Variants in MTA2 observed in about 807,000 individuals in gnomAD.
MTA2 encodes metastasis-associated protein MTA2.
A neutral mutation model predicts 87.1 loss-of-function variants in MTA2; 22 were observed. The observed-to-expected ratio is 0.25, with a 90% CI of 0.18 to 0.36. MTA2 has a LOEUF of 0.36. MTA2 is among the 10% of genes least tolerant of loss of function. The pLI, the probability that MTA2 is intolerant of heterozygous loss-of-function variation, is 1.00. For synonymous variants in MTA2, 314 were observed against 310.1 expected (o/e 1.01, Z -0.13); for missense variants, 542 against 853.2 (o/e 0.64, Z 4.54).
chr11:62,597,532 C>T, intron 7 of MTA2, 78 bp downstream of exon 7: 3 of 1,504,916 alleles, frequency 2.0e-6, no homozygotes, highest in Non-Finnish European at 9.2e-7. Flanking sequence ...GAAATAAAGT[C>T]CATCTCTAAG....
At chr11:62,601,299 C>T (rs932683616) in intron 1 of MTA2, 124 bp downstream of exon 1, 2 of 1,250,110 alleles carry the variant, frequency 1.6e-6, no homozygotes, top group Non-Finnish European at 2.2e-6. Flanking sequence ...GTTCCGGTTC[C>T]GGTCCGCGCT....
intron 7 of MTA2, 49 bp from the exon 8 acceptor site, chr11:62,597,464 A>C: frequency 6.4e-7 from 1 of 1,571,656 alleles, no homozygotes; most frequent in South Asian, 1.1e-5. Flanking sequence ...TCAAAAGCCC[A>C]AGTGGGCTGG....
chr11:62,595,087 A>C lies in MTA2; in HGVS notation c.1484-17T>G. The C allele has an allele frequency of 6.2e-7, 1 of 1,612,998 alleles. No homozygotes were observed. The highest frequency in any genetic ancestry group is 1.1e-5 in the South Asian group (1 of 90,944). On this transcript the variant is annotated splice_polypyrimidine_tract_variant and intron_variant, in intron 14 of 17. Coordinates refer to ENST00000278823, the MANE Select transcript of MTA2 (RefSeq NM_004739.4). The surrounding 1 kb of genome is among the most constrained non-coding windows in gnomAD (Gnocchi z 4.9). ...GAATGGAGCCTGGAGAACAAAGAAG[A>C]AAGCTTCTGAAGGGCTTCACCATTC... is the stretch of plus-strand genomic sequence containing the variant.
chr11:62,596,445 G>C lies in MTA2; in HGVS notation c.957+13C>G, dbSNP rs377746028. On this transcript the variant is annotated intron_variant, in intron 10 of 17. Coordinates refer to ENST00000278823, the MANE Select transcript of MTA2 (RefSeq NM_004739.4). ...GGTAGCCTATGGTCCACCCTCCCCA[G>C]CCCAGATAATACCTGCTGAATATAC... 3.7e-5 allele frequency: 59 copies of C among 1,613,696 alleles called. No homozygotes were observed. In the African/African-American group the frequency reaches 7.2e-4, roughly 20 times the overall value.
rs1590734017 is a variant in MTA2, at chr11:62,601,179, G to A, written c.28+244C>T. The A allele has an allele frequency of 2.2e-5, 12 of 551,812 alleles. No individual in the cohort carries two copies. The East Asian group carries it at 4.0e-4, about 18-fold the overall frequency. The allele number at this position is 551,812 out of a possible 1,614,324, so 34.2% of individuals were successfully genotyped here. ...CGAAGGCCACTCCGTGCCCCGGGGA[G>A]CCCCTGACGCAGCCCCGAAAGTGCC... is the stretch of plus-strand genomic sequence containing the variant. On this transcript the variant is annotated intron_variant, in intron 1 of 17. Transcript: ENST00000278823.
At position 62,593,710 on chromosome 11, in the gene MTA2, G is replaced by A. The variant is rs1435066271; in HGVS notation, c.*165C>T. The A allele has an allele frequency of 1.6e-5, 12 of 767,386 alleles. No individual in the cohort carries two copies. Among genetic ancestry groups the A allele is most frequent in the South Asian group, 7.4e-5 (4 of 54,346 alleles). The allele number at this position is 767,386 out of a possible 1,614,324, so 47.5% of individuals were successfully genotyped here. A position where few individuals can be genotyped will look rare whatever the true frequency, so the allele number is the denominator to read the frequency against. On this transcript the variant is annotated 3_prime_UTR_variant, in exon 18 of 18. Transcript: ENST00000278823. ...AGCATGGAGGCATGAGACAAGTCTC[G>A]AGGTGGTAACACCAGAGGGCGCCCA...
chr11:62,600,598 G>GGAGA, intron 2 of MTA2, 24 bp downstream of exon 2: 1 of 1,607,082 alleles, frequency 6.2e-7, no homozygotes, highest in Non-Finnish European at 8.5e-7. Context: ...CGGGAGGGAG[G>GGAGA]GAGAGGGATT....
chr11:62,599,714 G>A (rs2516634), intron 3 of MTA2, among the ~76,000 whole-genome samples: 103,385 of 151,736 alleles, frequency 0.68, 35,660 homozygotes, highest in East Asian at 0.94. Context: ...AAATTAAAAA[G>A]CGCAAGAAAA....
Position 62,596,048 on chromosome 11 carries a change from G to A in MTA2, c.1076C>T (p.Ala359Val). 1 of 1,614,178 alleles carries A rather than the reference G, an allele frequency of 6.2e-7. No homozygotes were observed. Among genetic ancestry groups the A allele is most frequent in the Non-Finnish European group, 8.5e-7 (1 of 1,180,042 alleles). The change falls in exon 12 of 18, where the codon GCT (alanine) becomes GTT (valine). Residue 359 changes from alanine (A) to valine (V), a missense_variant. Around this residue, in one of 6 missense-constraint regions of MTA2, gnomAD observed 46 missense variants for 109.1 expected, o/e 0.42. Transcript: ENST00000278823. ...ACAAGTCAGGCCCTTCTGAAATCCAGCCCCATTCATGCCAGGTTTTGAACC... is the reference window on the plus strand; with the variant it reads ...ACAAGTCAGGCCCTTCTGAAATCCAACCCCATTCATGCCAGGTTTTGAACC... ...SVGSKPGMNGAGFQKGLTCES... is the reference protein window; with the variant it reads ...SVGSKPGMNGVGFQKGLTCES...
chr11:62,595,798 C>G lies in MTA2; in HGVS notation c.1208G>C (p.Gly403Ala). Reference protein sequence around the residue: ...SCWIYWKKYGGLKTPTQLEGA... With the variant: ...SCWIYWKKYGALKTPTQLEGA... The stretch of plus-strand genomic sequence containing the variant: ...CTCAAGCTGAGTTGGGGTCTTCAGT[C>G]CCCCATACTTCTTCCAGTAGATCCA... Residue 403 changes from glycine (G) to alanine (A), a missense_variant, in exon 13 of 18, where the codon GGA becomes GCA. Physicochemically the swap from Gly to Ala is moderately conservative, Grantham distance 60. Around this residue, in one of 6 missense-constraint regions of MTA2, gnomAD observed 46 missense variants for 109.1 expected, o/e 0.42. Coordinates refer to ENST00000278823, the MANE Select transcript of MTA2 (RefSeq NM_004739.4). The surrounding 1 kb of genome is among the most constrained non-coding windows in gnomAD (Gnocchi z 4.9). The G allele has an allele frequency of 6.2e-7, 1 of 1,614,166 alleles. No homozygotes were observed. The highest frequency in any genetic ancestry group is 8.5e-7 in the Non-Finnish European group (1 of 1,180,030).
Position 62,600,216 on chromosome 11 carries a change from C to A in MTA2, c.140G>T (p.Arg47Leu). 1 of 1,614,138 alleles carries A rather than the reference C, an allele frequency of 6.2e-7. No individual in the cohort carries two copies. The highest frequency in any genetic ancestry group is 8.5e-7 in the Non-Finnish European group (1 of 1,180,030). The change falls in exon 3 of 18, where the codon CGG becomes CTG. Residue 47 changes from arginine (R) to leucine (L), a missense_variant. Arg to Leu is a moderately radical substitution (Grantham distance 102). This residue lies in a region of MTA2 where 150 missense variants were observed against 243.9 expected (regional missense o/e 0.62). Transcript: ENST00000278823. ...GAGGCTACTAGAAATGTCCCTGCGC[C>A]GGAAAAGACAGACAACCTTTGCCTC... ...NVEAKVVCLFRRRDISSSLNS... is the reference protein window; with the variant it reads ...NVEAKVVCLFLRRDISSSLNS...
At position 62,596,776 on chromosome 11, in the gene MTA2, G is replaced by A; in HGVS notation, c.743C>T (p.Ala248Val). ...TCCCTGGGGTACCAGGGTCGACATG[G>A]CCTTAGCCAGGTCGTAGCCGTTCCT... ...LQRNGYDLAKAMSTLVPQGGP... is the reference protein window; with the variant it reads ...LQRNGYDLAKVMSTLVPQGGP... The change falls in exon 9 of 18, where the codon GCC becomes GTC. Residue 248 changes from alanine (A) to valine (V), a missense_variant. This residue lies in a region of MTA2 where 44 missense variants were observed against 104.8 expected (regional missense o/e 0.42). Transcript: ENST00000278823. The A allele has an allele frequency of 6.2e-7, 1 of 1,613,638 alleles. No individual in the cohort carries two copies. The highest frequency in any genetic ancestry group is 1.1e-5 in the South Asian group (1 of 91,024).
rs1942081842 is a variant in MTA2, at chr11:62,595,269, G to A, written c.1478C>T (p.Ala493Val). Residue 493 changes from alanine (A) to valine (V), a missense_variant, in exon 14 of 18, where the codon GCA becomes GTA. By Grantham distance (64) the Ala-to-Val change is moderately conservative. This residue lies in a region of MTA2 where 269 missense variants were observed against 346.4 expected (regional missense o/e 0.78). Transcript: ENST00000278823. This position sits in a 1 kb window ranked among gnomAD's most constrained non-coding sequence, Gnocchi z 4.9. ...YAPINANAIKAECSIRLPKAA... is the reference protein window; with the variant it reads ...YAPINANAIKVECSIRLPKAA... ...CCACCACTCCCTGCCCTTACACTCT[G>A]CTTTGATGGCATTGGCATTGATAGG... 6.2e-7 allele frequency: 1 copy of A among 1,614,096 alleles called. No individual in the cohort carries two copies. The highest frequency in any genetic ancestry group is 1.3e-5 in the African/African-American group (1 of 75,064).
chr11:62,595,618 T>C lies in MTA2; in HGVS notation c.1255-126A>G. 2 of 1,515,422 alleles carry C rather than the reference T, an allele frequency of 1.3e-6. No homozygotes were observed. The highest frequency in any genetic ancestry group is 1.8e-5 in the Admixed American group (1 of 54,540). The allele number at this position is 1,515,422 out of a possible 1,614,324, so 93.9% of individuals were successfully genotyped here. On this transcript the variant is annotated intron_variant, in intron 13 of 17. Coordinates refer to ENST00000278823, the MANE Select transcript of MTA2 (RefSeq NM_004739.4). This position sits in a 1 kb window ranked among gnomAD's most constrained non-coding sequence, Gnocchi z 4.9. The stretch of plus-strand genomic sequence containing the variant: ...CTTTACTGACCTCTTGGCCTATGTG[T>C]CTCCCCAACCAGCATCAAGCACCCC...
At position 62,595,792 on chromosome 11, in the gene MTA2, T is replaced by C; in HGVS notation, c.1214A>G (p.Lys405Arg). 6.2e-7 allele frequency: 1 copy of C among 1,614,204 alleles called. No homozygotes were observed. The change falls in exon 13 of 18, where the codon AAG (lysine) becomes AGG (arginine). Residue 405 changes from lysine to arginine, a missense_variant. Around this residue, in one of 6 missense-constraint regions of MTA2, gnomAD observed 269 missense variants for 346.4 expected, o/e 0.78. Coordinates refer to ENST00000278823, the MANE Select transcript of MTA2 (RefSeq NM_004739.4). This position sits in a 1 kb window ranked among gnomAD's most constrained non-coding sequence, Gnocchi z 4.9. ...GGCCCCCTCAAGCTGAGTTGGGGTC[T>C]TCAGTCCCCCATACTTCTTCCAGTA... ...WIYWKKYGGL[K>R]TPTQLEGATR...
At position 62,596,261 on chromosome 11, in the gene MTA2, C is replaced by T. The variant is rs1458785528; in HGVS notation, c.1016+18G>A. The T allele has an allele frequency of 1.2e-6, 2 of 1,613,504 alleles. No homozygotes were observed. The highest frequency in any genetic ancestry group is 4.5e-5 in the East Asian group (2 of 44,884). Reference sequence around the variant, plus strand: ...AGGGAAGGAAAACACTCTGGTCTCCCCTACCCACCACACTTACTAGGTGGG... The same window carrying T: ...AGGGAAGGAAAACACTCTGGTCTCCTCTACCCACCACACTTACTAGGTGGG... On this transcript the variant is annotated intron_variant, in intron 11 of 17. Transcript: ENST00000278823.
At chr11:62,597,797 TCTC>T in intron 6 of MTA2, 85 bp from the exon 7 acceptor site, 2 of 1,127,564 alleles carry the variant, frequency 1.8e-6, no homozygotes, top group African/African-American at 1.6e-5. Context: ...ACCTCCTCCT[TCTC>T]TTCTTCTGCT....
At position 62,601,801 on chromosome 11, in the gene MTA2, G is replaced by A. The variant is rs751172819; in HGVS notation, c.-351C>T. The A allele has an allele frequency of 2.0e-6, 1 of 503,090 alleles. No individual in the cohort carries two copies. The highest frequency in any genetic ancestry group is 2.0e-5 in the African/African-American group (1 of 49,078). 31.2% of individuals were successfully genotyped at this position (503,090 alleles called of 1,614,324 possible). A position where few individuals can be genotyped will look rare whatever the true frequency, so the allele number is the denominator to read the frequency against. On this transcript the variant is annotated 5_prime_UTR_variant, in exon 1 of 18. Coordinates refer to ENST00000278823, the MANE Select transcript of MTA2 (RefSeq NM_004739.4). ...CTGCCGGCCGCAGGGAAGGCTTGCC[G>A]GGCCCGCCTCAGGGTTCGCCTCCTT...
In MTA2 at chr11:62,595,233, C is replaced by T. The variant is rs1942081317; in HGVS notation, c.1483+31G>A. ...TCTCTGGGCAGAGCAATCCGAAACC[C>T]ACCACCAGTCCCACCACTCCCTGCC... On this transcript the variant is annotated intron_variant, in intron 14 of 17. Transcript: ENST00000278823. This position sits in a 1 kb window ranked among gnomAD's most constrained non-coding sequence, Gnocchi z 4.9. 1 of 1,604,804 alleles carries T rather than the reference C, an allele frequency of 6.2e-7. No homozygotes were observed. Among genetic ancestry groups the T allele is most frequent in the East Asian group, 2.2e-5 (1 of 44,752 alleles).
Sources: allele counts gnomAD v4.1 joint callset (sites outside exome capture counted in the v4.1 genomes callset), GRCh38; gene constraint gnomAD v4.1.1; regional missense constraint gnomAD v4.1.1; non-coding constraint Gnocchi (gnomAD v3.1); transcripts MANE v1.5; gene names NCBI Gene and HGNC (gene_info 2026-07-23, HGNC 2026-07-21).